Variants in TERT observed in about 807,000 individuals in gnomAD.
TERT encodes telomerase catalytic subunit.
In TERT, 42 loss-of-function variants were observed where a neutral mutation model predicts 104.0. The ratio of observed to expected loss-of-function variants is 0.40; its 90% CI spans 0.32 to 0.52. The LOEUF (loss-of-function observed/expected upper bound fraction) is 0.52. Ranked by LOEUF, TERT falls within the 20% of genes least tolerant of loss-of-function variation. The pLI is 0.43. For synonymous variants in TERT, 781 were observed against 725.6 expected (o/e 1.08, Z -1.23); for missense variants, 1,101 against 1,610.3 (o/e 0.68, Z 5.41).
In TERT at chr5:1,257,201, G is replaced by A. The variant is rs943309365; in HGVS notation, c.3032+1397C>T. On this transcript the variant is annotated intron_variant, in intron 13 of 15. Coordinates refer to ENST00000310581, the MANE Select transcript of TERT (RefSeq NM_198253.3). The surrounding 1 kb of genome is among the most constrained non-coding windows in gnomAD (Gnocchi z 5.6). ...CCTGCCCTGAGCCCAGGCCCTCTAC[G>A]GGAGCTCCTCGGAGCTAGAGACCCT... Among the ~76,000 whole-genome samples the A allele has an allele frequency of 6.6e-6, 1 of 152,152 alleles. No homozygotes were observed. Among genetic ancestry groups the A allele is most frequent in the East Asian group, 1.9e-4 (1 of 5,180 alleles).
chr5:1,258,827 G>A (rs1443448415), intron 12 of TERT, among the ~76,000 whole-genome samples, 168 bp from the exon 13 acceptor site: 1 of 152,252 alleles, frequency 6.6e-6, no homozygotes, highest in Admixed American at 6.5e-5. Flanking sequence ...CGGCAGCTGC[G>A]AACCACCCTG....
At chr5:1,272,370 C>T in intron 6 of TERT, 90 bp from the exon 7 acceptor site, 1 of 1,174,136 alleles carries the variant, frequency 8.5e-7, no homozygotes, top group Non-Finnish European at 1.2e-6. Context: ...ACGTGTGGAC[C>T]TGCGGCCAAG....
rs1463892921 is a variant in TERT at position 1,292,014 on chromosome 5, C to T, written c.1573+1299G>A. Among the ~76,000 whole-genome samples, 2 of 152,224 alleles carry T rather than the reference C, an allele frequency of 1.3e-5. No individual in the cohort carries two copies. The highest frequency in any genetic ancestry group is 2.9e-5 in the Non-Finnish European group (2 of 68,048). ...GGACTTCCAGTCACGCAAGACGCAGCATTTCAAGCAACCTGCTGTAAACAC... is the reference window on the plus strand; with the variant it reads ...GGACTTCCAGTCACGCAAGACGCAGTATTTCAAGCAACCTGCTGTAAACAC... On this transcript the variant is annotated intron_variant, in intron 2 of 15. Transcript: ENST00000310581. This position sits in a 1 kb window ranked among gnomAD's most constrained non-coding sequence, Gnocchi z 5.5.
rs901300690 is a variant in TERT at position 1,263,856 on chromosome 5, C to G, written c.2843+548G>C. ...ACCCCAGAATTTTGTAGAGACCCCCCCCACACCATGGCCCTGTCCCCTGAT... is the reference window on the plus strand; with the variant it reads ...ACCCCAGAATTTTGTAGAGACCCCCGCCACACCATGGCCCTGTCCCCTGAT... On this transcript the variant is annotated intron_variant, in intron 11 of 15. Coordinates refer to ENST00000310581, the MANE Select transcript of TERT (RefSeq NM_198253.3). This position sits in a 1 kb window ranked among gnomAD's most constrained non-coding sequence, Gnocchi z 5.3. Among the ~76,000 whole-genome samples, 3 of 152,236 alleles carry G rather than the reference C, an allele frequency of 2.0e-5. No homozygotes were observed. Among genetic ancestry groups the G allele is most frequent in the African/African-American group, 7.2e-5 (3 of 41,460 alleles).
chr5:1,271,252 A>G, intron 7 of TERT, 48 bp from the exon 8 acceptor site: 5 of 1,431,450 alleles, frequency 3.5e-6, no homozygotes, highest in Non-Finnish European at 3.9e-6. Flanking sequence ...GTGGGTGCTG[A>G]GACAGGCAGG....
chr5:1,261,762 G>A lies in TERT; in HGVS notation c.2844-1162C>T, dbSNP rs1316629840. On this transcript the variant is annotated intron_variant, in intron 11 of 15. Coordinates refer to ENST00000310581, the MANE Select transcript of TERT (RefSeq NM_198253.3). This position sits in a 1 kb window ranked among gnomAD's most constrained non-coding sequence, Gnocchi z 7.4. ...ACGACCTTGGGCTCCGGCTCACCCT[G>A]AGCCTATGGGTCTGACTTGTGTGGG... Among the ~76,000 whole-genome samples the A allele has an allele frequency of 6.6e-6, 1 of 152,152 alleles. No individual in the cohort carries two copies. Among genetic ancestry groups the A allele is most frequent in the Non-Finnish European group, 1.5e-5 (1 of 68,032 alleles).
In TERT at chr5:1,265,641, C is replaced by T. The variant is rs1023843762; in HGVS notation, c.2654+823G>A. Among the ~76,000 whole-genome samples, 3 of 151,998 alleles carry T rather than the reference C, an allele frequency of 2.0e-5. No individual in the cohort carries two copies. Among genetic ancestry groups the T allele is most frequent in the African/African-American group, 4.8e-5 (2 of 41,404 alleles). ...CGCCAGGCATACCCCCAGCCCAGGG[C>T]GGCCCTGGAGGGTGGACCTGGAGGG... is the stretch of plus-strand genomic sequence containing the variant. On this transcript the variant is annotated intron_variant, in intron 10 of 15. Coordinates refer to ENST00000310581, the MANE Select transcript of TERT (RefSeq NM_198253.3). The surrounding 1 kb of genome is among the most constrained non-coding windows in gnomAD (Gnocchi z 6.9).
At chr5:1,278,490 GAC>G (rs1749770722) in intron 6 of TERT, 149 bp downstream of exon 6, 2 of 1,146,468 alleles carry the variant, frequency 1.7e-6, no homozygotes, top group Admixed American at 1.7e-5. Flanking sequence ...CATGCACCAC[GAC>G]ACACACGTGC....
intron 13 of TERT, among the ~76,000 whole-genome samples, chr5:1,258,381 G>A (rs1304879740): frequency 6.6e-6 from 1 of 152,252 alleles, no homozygotes; most frequent in Non-Finnish European, 1.5e-5. Context: ...GGACACCTGG[G>A]GCCACACCGG....
chr5:1,274,213 A>C lies in TERT; in HGVS notation c.2287-1933T>G, dbSNP rs1364557511. Among the ~76,000 whole-genome samples the C allele has an allele frequency of 4.6e-5, 7 of 152,210 alleles. No homozygotes were observed. The highest frequency in any genetic ancestry group is 7.3e-5 in the Non-Finnish European group (5 of 68,042). On this transcript the variant is annotated intron_variant, in intron 6 of 15. Coordinates refer to ENST00000310581, the MANE Select transcript of TERT (RefSeq NM_198253.3). The surrounding 1 kb of genome is among the most constrained non-coding windows in gnomAD (Gnocchi z 5.3). ...GTGGGCTAAAACCACATCGAGTACG[A>C]TTCAACCCTGAGAACCAACCTGGAA...
chr5:1,264,387 C>G lies in TERT; in HGVS notation c.2843+17G>C. ...CCCAGCCGGGCACAGGCTCCACTTC[C>G]GGCCAGGTGCGCTCACCTGGAGTAG... On this transcript the variant is annotated intron_variant, in intron 11 of 15. Coordinates refer to ENST00000310581, the MANE Select transcript of TERT (RefSeq NM_198253.3). 6.2e-7 allele frequency: 1 copy of G among 1,604,918 alleles called. No individual in the cohort carries two copies. Among genetic ancestry groups the G allele is most frequent in the Non-Finnish European group, 8.5e-7 (1 of 1,176,984 alleles).
rs1393381587 is a variant in TERT at position 1,257,151 on chromosome 5, C to T, written c.3032+1447G>A. Among the ~76,000 whole-genome samples, 2 of 152,196 alleles carry T rather than the reference C, an allele frequency of 1.3e-5. No individual in the cohort carries two copies. Among genetic ancestry groups the T allele is most frequent in the African/African-American group, 4.8e-5 (2 of 41,450 alleles). On this transcript the variant is annotated intron_variant, in intron 13 of 15. Coordinates refer to ENST00000310581, the MANE Select transcript of TERT (RefSeq NM_198253.3). This position sits in a 1 kb window ranked among gnomAD's most constrained non-coding sequence, Gnocchi z 5.6. ...AATCAAGCGACTACCCAAGGGTCCC[C>T]ACATGGGTGGGGAAACTCAGCCGCC...
rs764027661 is a variant in TERT, at chr5:1,262,213, G to A, written c.2844-1613C>T. ...CCTAGAATCTGCTCTGGTATATGCTGTAAAGACACAACTTATTTGCTTCCA... is the reference window on the plus strand; with the variant it reads ...CCTAGAATCTGCTCTGGTATATGCTATAAAGACACAACTTATTTGCTTCCA... On this transcript the variant is annotated intron_variant, in intron 11 of 15. Coordinates refer to ENST00000310581, the MANE Select transcript of TERT (RefSeq NM_198253.3). The surrounding 1 kb of genome is among the most constrained non-coding windows in gnomAD (Gnocchi z 5.6). 2.0e-5 allele frequency among the ~76,000 whole-genome samples: 3 copies of A among 152,062 alleles called. No individual in the cohort carries two copies. The highest frequency in any genetic ancestry group is 2.9e-5 in the Non-Finnish European group (2 of 68,040).
intron 5 of TERT, 122 bp from the exon 6 acceptor site, chr5:1,278,918 C>A: frequency 7.2e-7 from 1 of 1,384,362 alleles, no homozygotes. Context: ...CACTCCAGAC[C>A]CCAAGGGCAG....
At position 1,268,733 on chromosome 5, in the gene TERT, A is replaced by C; in HGVS notation, c.2469-100T>G. The stretch of plus-strand genomic sequence containing the variant: ...ACAGACACAGAACCTCATACACACA[A>C]ACGACACGTCTACCATTCAGCCGGC... On this transcript the variant is annotated intron_variant, in intron 8 of 15. Transcript: ENST00000310581. The surrounding 1 kb of genome is among the most constrained non-coding windows in gnomAD (Gnocchi z 5.5). 1.3e-6 allele frequency: 1 copy of C among 756,044 alleles called. No homozygotes were observed. The highest frequency in any genetic ancestry group is 2.3e-6 in the Non-Finnish European group (1 of 430,462). The allele number at this position is 756,044 out of a possible 1,614,324, so 46.8% of individuals were successfully genotyped here.
rs143815538 is a variant in TERT at position 1,257,561 on chromosome 5, C to T, written c.3032+1037G>A. 7.9e-5 allele frequency among the ~76,000 whole-genome samples: 12 copies of T among 152,296 alleles called. No individual in the cohort carries two copies. Among genetic ancestry groups the T allele is most frequent in the East Asian group, 3.9e-4 (2 of 5,186 alleles). The stretch of plus-strand genomic sequence containing the variant: ...AGAGAGGAGGGCGGTCTGAGCCGGA[C>T]GCACCCTGGAACTGAGACAGCCTGG... On this transcript the variant is annotated intron_variant, in intron 13 of 15. Coordinates refer to ENST00000310581, the MANE Select transcript of TERT (RefSeq NM_198253.3). This position sits in a 1 kb window ranked among gnomAD's most constrained non-coding sequence, Gnocchi z 5.6.
intron 10 of TERT, 36 bp downstream of exon 10, chr5:1,266,428 G>A (rs535202645): frequency 6.3e-7 from 1 of 1,577,486 alleles, no homozygotes; most frequent in South Asian, 1.1e-5. Context: ...CCCACAGGCT[G>A]TGGAGGTCCC....
Position 1,256,990 on chromosome 5 carries a change from C to T in TERT, c.3033-1579G>A, listed in dbSNP as rs1444077793. On this transcript the variant is annotated intron_variant, in intron 13 of 15. Coordinates refer to ENST00000310581, the MANE Select transcript of TERT (RefSeq NM_198253.3). This position sits in a 1 kb window ranked among gnomAD's most constrained non-coding sequence, Gnocchi z 7.0. The stretch of plus-strand genomic sequence containing the variant: ...GCCTCGCCCACTGCAGCCTGGCTGC[C>T]GTGAAATCGGGGCCCAGCTCTCCGT... 1.3e-5 allele frequency among the ~76,000 whole-genome samples: 2 copies of T among 152,146 alleles called. No individual in the cohort carries two copies. The highest frequency in any genetic ancestry group is 2.9e-5 in the Non-Finnish European group (2 of 68,028).
rs35412024 is a variant in TERT at position 1,261,634 on chromosome 5, T to C, written c.2844-1034A>G. 5.5e-3 allele frequency among the ~76,000 whole-genome samples: 844 copies of C among 152,336 alleles called. 6 individuals are homozygous for C. The highest frequency in any genetic ancestry group is 0.019 in the African/African-American group (800 of 41,564). On this transcript the variant is annotated intron_variant, in intron 11 of 15. Coordinates refer to ENST00000310581, the MANE Select transcript of TERT (RefSeq NM_198253.3). This position sits in a 1 kb window ranked among gnomAD's most constrained non-coding sequence, Gnocchi z 7.4. ...GTTTCACGTGCGTTTCTTTGAGGGA[T>C]GGGTCTCGCTGTCAGTTTCACATGC...
Sources: gnomAD v4.1 joint callset for allele counts (sites outside exome capture counted in the v4.1 genomes callset) on GRCh38, gnomAD v4.1.1 for gene constraint, Gnocchi (gnomAD v3.1) non-coding constraint, MANE v1.5 for transcripts, NCBI Gene and HGNC (gene_info 2026-07-23, HGNC 2026-07-21) for gene names.